ARHGEF10L: variants seen among roughly 807,000 people sequenced by gnomAD.
ARHGEF10L encodes Rho guanine nucleotide exchange factor 10 like.
Under a neutral mutation model 141.2 loss-of-function variants are expected in ARHGEF10L, and 69 were observed. The ratio of observed to expected loss-of-function variants is 0.49; its 90% CI spans 0.40 to 0.60. The LOEUF is 0.60. Among genes scored for constraint, ARHGEF10L ranks in the 20% least tolerant of loss-of-function variants. ARHGEF10L has a pLI of 0.00. For synonymous variants in ARHGEF10L, 711 were observed against 718.5 expected, an observed-to-expected ratio of 0.99 and a Z score of 0.17; for missense variants, 1,482 against 1,734.3, an observed-to-expected ratio of 0.85 and a Z score of 2.58.
chr1:17,557,217 C>T (rs1299502272), intron 1 of ARHGEF10L, among the ~76,000 whole-genome samples: 2 of 151,704 alleles, frequency 1.3e-5, no homozygotes, highest in African/African-American at 4.8e-5. Context: ...GTGGCATGCA[C>T]CTGTAATCCC....
rs552472710 is a variant in ARHGEF10L, at chr1:17,603,487, C to T, written c.350-21C>T. On this transcript the variant is annotated intron_variant, in intron 5 of 28. Coordinates refer to ENST00000361221, the MANE Select transcript of ARHGEF10L (RefSeq NM_018125.4). This position sits in a 1 kb window ranked among gnomAD's most constrained non-coding sequence, Gnocchi z 4.8. ...CTGCCACAGCCCACGGTGGTGCTCTCTCTCCCCACTTCCCTCCCAGTTGAC... is the reference window on the plus strand; with the variant it reads ...CTGCCACAGCCCACGGTGGTGCTCTTTCTCCCCACTTCCCTCCCAGTTGAC... The T allele has an allele frequency of 6.2e-7, 1 of 1,608,870 alleles. No homozygotes were observed. Among genetic ancestry groups the T allele is most frequent in the Admixed American group, 1.7e-5 (1 of 59,740 alleles).
intron 7 of ARHGEF10L, among the ~76,000 whole-genome samples, chr1:17,611,538 ATC>A (rs2059549507): frequency 3.4e-5 from 4 of 116,928 alleles, no homozygotes; most frequent in Non-Finnish European, 7.8e-5. Context: ...CTGTATATCC[ATC>A]CATCCATCCA....
At chr1:17,643,338 C>G (rs72648444) in intron 21 of ARHGEF10L, among the ~76,000 whole-genome samples, 17,257 of 152,120 alleles carry the variant, frequency 0.11, 1,125 homozygotes, top group Non-Finnish European at 0.13. Flanking sequence ...AGCCTGCGAT[C>G]TGGGAGAGGG....
At chr1:17,528,208 ATT>A in the ARHGEF10L span, among the ~76,000 whole-genome samples, 4 of 150,500 alleles carry the variant, frequency 2.7e-5, no homozygotes, top group African/African-American at 9.8e-5. Flanking sequence ...TAAGATAATT[ATT>A]TTCTTTCTTT....
chr1:17,654,508 G>T lies in ARHGEF10L; in HGVS notation c.2395-128G>T. The T allele has an allele frequency of 1.2e-6, 1 of 813,616 alleles. No homozygotes were observed. Among genetic ancestry groups the T allele is most frequent in the Non-Finnish European group, 2.2e-6 (1 of 460,752 alleles). 50.4% of individuals were successfully genotyped at this position (813,616 alleles called of 1,614,324 possible). A position where few individuals can be genotyped will look rare whatever the true frequency, so the allele number is the denominator to read the frequency against. On this transcript the variant is annotated intron_variant, in intron 22 of 28. Coordinates refer to ENST00000361221, the MANE Select transcript of ARHGEF10L (RefSeq NM_018125.4). This position sits in a 1 kb window ranked among gnomAD's most constrained non-coding sequence, Gnocchi z 4.3. ...GAAGCAGGCACTCGTGAAGCATGTT[G>T]CTTTCCTGGCCCCCACCCACAGGGA...
chr1:17,637,956 G>A lies in ARHGEF10L; in HGVS notation c.1996G>A (p.Val666Met). 6.2e-7 allele frequency: 1 copy of A among 1,600,950 alleles called. No homozygotes were observed. Among genetic ancestry groups the A allele is most frequent in the South Asian group, 1.1e-5 (1 of 88,164 alleles). Residue 666 changes from valine (V) to methionine (M), a missense_variant, in exon 19 of 29, where the codon GTG becomes ATG. Physicochemically the swap from Val to Met is conservative, Grantham distance 21. Transcript: ENST00000361221. ...LQDLQKDLAV[V>M]EQITLLISTL... ...GGACCTGCAGAAGGACCTGGCCGTG[G>A]TGGAGCAGATCACGCTTCTCATCAG...
At position 17,639,796 on chromosome 1, in the gene ARHGEF10L, G is replaced by T. The variant is rs954638665; in HGVS notation, c.2172-406G>T. The T allele has an allele frequency of 3.1e-6, 4 of 1,270,748 alleles. No individual in the cohort carries two copies. The East Asian group carries it at 1.5e-4, about 49-fold the overall frequency. The allele number at this position is 1,270,748 out of a possible 1,614,324, so 78.7% of individuals were successfully genotyped here. A position where few individuals can be genotyped will look rare whatever the true frequency, so the allele number is the denominator to read the frequency against. ...AGCAACTGTCCCATGCCAGGTGCTGGGAACAGACCCAAGTGAGACCCATTC... is the reference window on the plus strand; with the variant it reads ...AGCAACTGTCCCATGCCAGGTGCTGTGAACAGACCCAAGTGAGACCCATTC... On this transcript the variant is annotated intron_variant, in intron 20 of 28. Coordinates refer to ENST00000361221, the MANE Select transcript of ARHGEF10L (RefSeq NM_018125.4). This position sits in a 1 kb window ranked among gnomAD's most constrained non-coding sequence, Gnocchi z 4.3.
At chr1:17,547,999 C>T (rs926251060) in intron 1 of ARHGEF10L, among the ~76,000 whole-genome samples, 2 of 152,074 alleles carry the variant, frequency 1.3e-5, no homozygotes, top group Non-Finnish European at 2.9e-5. Context: ...CTCACTTGAC[C>T]CTTCTCTTAT....
chr1:17,529,701 CA>C, the ARHGEF10L span, among the ~76,000 whole-genome samples: 1 of 152,134 alleles, frequency 6.6e-6, no homozygotes, highest in African/African-American at 2.4e-5. Context: ...AGGTGGGTGG[CA>C]CTGGAGGATG....
chr1:17,576,453 C>T (rs2078229717), intron 1 of ARHGEF10L, among the ~76,000 whole-genome samples: 1 of 152,138 alleles, frequency 6.6e-6, no homozygotes, highest in South Asian at 2.1e-4. Context: ...GGGGCCTCCC[C>T]TCTTCCTCCC....
Position 17,554,666 on chromosome 1 carries a change from G to A in ARHGEF10L, c.-44+14716G>A, listed in dbSNP as rs116084675. On this transcript the variant is annotated intron_variant, in intron 1 of 28. Transcript: ENST00000361221. ...AGTGGCATGATTACAGCTCACTGCA[G>A]CCTTGATTTCCTGGGCTCAGGTGAT... is the stretch of plus-strand genomic sequence containing the variant. Among the ~76,000 whole-genome samples, 1,394 of 146,674 alleles carry A rather than the reference G, an allele frequency of 9.5e-3. 23 individuals carry two copies. The highest frequency in any genetic ancestry group is 0.034 in the African/African-American group (1,340 of 39,276).
chr1:17,692,092 C>T (rs1569835472), intron 27 of ARHGEF10L, among the ~76,000 whole-genome samples: 1 of 152,312 alleles, frequency 6.6e-6, no homozygotes, highest in Non-Finnish European at 1.5e-5. Context: ...TCCAGGAGGG[C>T]TGGGGGCCTG....
chr1:17,554,268 C>G (rs1330657164), intron 1 of ARHGEF10L, among the ~76,000 whole-genome samples: 1 of 152,186 alleles, frequency 6.6e-6, no homozygotes, highest in Non-Finnish European at 1.5e-5. Context: ...CAGTGCTTAG[C>G]CCACCATTGG....
Position 17,587,564 on chromosome 1 carries a change from G to T in ARHGEF10L, c.142G>T (p.Ala48Ser), listed in dbSNP as rs138712645. ...CAGTGATGATGAAGAGGACACCAGC[G>T]CAGCCCTGGGCGTCCCCAGCCTTGC... is the stretch of plus-strand genomic sequence containing the variant. ...DDSDDEEDTS[A>S]ALGVPSLAPE... is the part of the protein sequence containing the mutation. The change falls in exon 3 of 29, where the codon GCA (alanine) becomes TCA (serine). Residue 48 changes from alanine to serine, a missense_variant. This residue lies in a region of ARHGEF10L where 232 missense variants were observed against 225.9 expected (regional missense o/e 1.03). Transcript: ENST00000361221. 7.4e-6 allele frequency: 12 copies of T among 1,614,174 alleles called. No individual in the cohort carries two copies. In the Admixed American group the frequency reaches 1.7e-4, roughly 22 times the overall value.
At chr1:17,645,892 C>A (rs146633499) in intron 21 of ARHGEF10L, among the ~76,000 whole-genome samples, 31 of 152,328 alleles carry the variant, frequency 2.0e-4, no homozygotes, top group African/African-American at 7.5e-4. Context: ...CTGTGAGGTG[C>A]AGGGCACGTA....
chr1:17,531,224 T>G, the ARHGEF10L span, among the ~76,000 whole-genome samples: 1 of 152,002 alleles, frequency 6.6e-6, no homozygotes, highest in Admixed American at 6.5e-5. Context: ...TGGGATACAG[T>G]GGGGACTCAG....
intron 15 of ARHGEF10L, among the ~76,000 whole-genome samples, chr1:17,631,893 G>GT (rs2060714830): frequency 6.6e-6 from 1 of 152,236 alleles, no homozygotes; most frequent in Non-Finnish European, 1.5e-5. Context: ...TGGTAGCTGA[G>GT]TAAACTAAGG....
the ARHGEF10L span, among the ~76,000 whole-genome samples, chr1:17,519,421 G>A: frequency 6.6e-6 from 1 of 151,978 alleles, no homozygotes; most frequent in African/African-American, 2.4e-5. Context: ...GCCAGCCTGG[G>A]CAATATGGTG....
intron 27 of ARHGEF10L, 51 bp from the exon 28 acceptor site, chr1:17,695,107 C>A: frequency 6.2e-7 from 1 of 1,609,066 alleles, no homozygotes; most frequent in Non-Finnish European, 8.5e-7. Context: ...TACCCAGAGC[C>A]CATGCTGTCT....
Sources: allele counts gnomAD v4.1 joint callset (sites outside exome capture counted in the v4.1 genomes callset), GRCh38; gene constraint gnomAD v4.1.1; regional missense constraint gnomAD v4.1.1; non-coding constraint Gnocchi (gnomAD v3.1); transcripts MANE v1.5; gene names NCBI Gene and HGNC (gene_info 2026-07-23, HGNC 2026-07-21).